Variants in PIP4P2 observed in about 807,000 individuals in gnomAD.
The protein encoded by PIP4P2 is phosphatidylinositol-4,5-bisphosphate 4-phosphatase 2, also known as type 2 phosphatidylinositol 4,5-bisphosphate 4-phosphatase.
Under a neutral mutation model 33.3 loss-of-function variants are expected in PIP4P2, and 19 were observed. The ratio of observed to expected loss-of-function variants is 0.57; its 90% CI spans 0.40 to 0.84. PIP4P2 has a LOEUF of 0.84. Ranked by LOEUF, PIP4P2 falls within the 40% of genes least tolerant of loss-of-function variation. PIP4P2 has a pLI of 0.00. For missense variants in PIP4P2, 270 were observed against 324.7 expected, an observed-to-expected ratio of 0.83 and a Z score of 1.29; for synonymous variants, 110 against 111.9, an observed-to-expected ratio of 0.98 and a Z score of 0.11.
chr8:91,018,355 A>C, intron 4 of PIP4P2, 35 bp downstream of exon 4: 1 of 1,613,578 alleles, frequency 6.2e-7, no homozygotes. Flanking sequence ...CATGACCTAT[A>C]TTTACAGATT....
intron 5 of PIP4P2, among the ~76,000 whole-genome samples, chr8:90,998,721 T>C (rs907588809): frequency 3.3e-5 from 5 of 151,952 alleles, no homozygotes; most frequent in South Asian, 2.1e-4. Context: ...ATGCAGAACA[T>C]TGAAACTGGA....
Position 90,996,585 on chromosome 8 carries a change from C to T in PIP4P2, c.630+69G>A, listed in dbSNP as rs563414358. 4 of 1,344,168 alleles carry T rather than the reference C, an allele frequency of 3.0e-6. No homozygotes were observed. The South Asian group carries it at 4.0e-5, about 13-fold the overall frequency. 83.3% of individuals were successfully genotyped at this position (1,344,168 alleles called of 1,614,324 possible). The stretch of plus-strand genomic sequence containing the variant: ...TCTTCAGGAATCCCTGAAGGTTGTC[C>T]CAGGCCTCATGATTGACTACTGATA... On this transcript the variant is annotated intron_variant, in intron 6 of 6. Coordinates refer to ENST00000285419, the MANE Select transcript of PIP4P2 (RefSeq NM_018710.3).
intron 1 of PIP4P2, among the ~76,000 whole-genome samples, chr8:91,030,799 G>T (rs1812152304): frequency 6.6e-6 from 1 of 152,020 alleles, no homozygotes; most frequent in Non-Finnish European, 1.5e-5. Flanking sequence ...TCATCTCATT[G>T]TTTTTTCATT....
chr8:91,007,996 G>T (rs774625562), intron 5 of PIP4P2, among the ~76,000 whole-genome samples: 3 of 152,114 alleles, frequency 2.0e-5, no homozygotes, highest in Non-Finnish European at 4.4e-5. Flanking sequence ...ACTGGGAGGG[G>T]CCCCTTGGAA....
At chr8:91,033,515 TC>T (rs754043630) in intron 1 of PIP4P2, among the ~76,000 whole-genome samples, 31 of 152,152 alleles carry the variant, frequency 2.0e-4, no homozygotes, top group Non-Finnish European at 4.0e-4. Flanking sequence ...TCTAACAGCA[TC>T]CTGATTAGTG....
intron 4 of PIP4P2, among the ~76,000 whole-genome samples, chr8:91,011,356 G>A (rs984103317): frequency 7.9e-5 from 12 of 152,038 alleles, no homozygotes; most frequent in Non-Finnish European, 1.3e-4. Flanking sequence ...AAACTCTGCT[G>A]TTCAGTTGTG....
At chr8:91,036,349 G>A (rs1447729661) in intron 1 of PIP4P2, among the ~76,000 whole-genome samples, 1 of 152,140 alleles carries the variant, frequency 6.6e-6, no homozygotes, top group Admixed American at 6.5e-5. Flanking sequence ...AATACATCAT[G>A]TCTAAAACTA....
At chr8:91,015,126 A>G (rs1245337836) in intron 4 of PIP4P2, among the ~76,000 whole-genome samples, 3 of 152,156 alleles carry the variant, frequency 2.0e-5, no homozygotes, top group Non-Finnish European at 4.4e-5. Flanking sequence ...ATTAATGTCT[A>G]TTGTTTGAAA....
chr8:91,028,960 T>G (rs1239062793), intron 1 of PIP4P2, among the ~76,000 whole-genome samples: 1 of 152,198 alleles, frequency 6.6e-6, no homozygotes, highest in African/African-American at 2.4e-5. Context: ...TTCTACTGTT[T>G]ATCTGTAGCC....
At chr8:91,019,548 C>T (rs1366169786) in intron 3 of PIP4P2, among the ~76,000 whole-genome samples, 1 of 149,406 alleles carries the variant, frequency 6.7e-6, no homozygotes, top group East Asian at 2.0e-4. Context: ...AGACTCTTCC[C>T]GTTGAGACTC....
In PIP4P2 at chr8:91,040,784, C is replaced by T. The variant is rs1452960583; in HGVS notation, c.-35G>A. 4 of 1,597,628 alleles carry T rather than the reference C, an allele frequency of 2.5e-6. No individual in the cohort carries two copies. The highest frequency in any genetic ancestry group is 3.4e-6 in the Non-Finnish European group (4 of 1,169,886). On this transcript the variant is annotated 5_prime_UTR_variant, in exon 1 of 7. Transcript: ENST00000285419. Reference sequence around the variant, plus strand: ...AGCGGCGGGGCCTGGGGAGGCCGAGCCGGGGTTGCGGCCTCGGCGGAGTGG... The same window carrying T: ...AGCGGCGGGGCCTGGGGAGGCCGAGTCGGGGTTGCGGCCTCGGCGGAGTGG...
At chr8:91,015,386 C>A (rs1222182251) in intron 4 of PIP4P2, among the ~76,000 whole-genome samples, 1 of 152,068 alleles carries the variant, frequency 6.6e-6, no homozygotes, top group Non-Finnish European at 1.5e-5. Flanking sequence ...TTTCACCTAT[C>A]CCCTGCCTGC....
intron 3 of PIP4P2, among the ~76,000 whole-genome samples, chr8:91,019,032 G>C (rs1333183918): frequency 6.6e-6 from 1 of 151,944 alleles, no homozygotes; most frequent in Non-Finnish European, 1.5e-5. Context: ...GGATAGGGCT[G>C]TACATGATTC....
At chr8:91,001,280 T>C (rs75053334) in intron 5 of PIP4P2, among the ~76,000 whole-genome samples, 1 of 152,042 alleles carries the variant, frequency 6.6e-6, no homozygotes, top group African/African-American at 2.4e-5. Context: ...TTTCTTTAAT[T>C]TTATGCAATT....
At chr8:91,022,287 G>GT (rs1220011218) in intron 1 of PIP4P2, among the ~76,000 whole-genome samples, 9 of 151,892 alleles carry the variant, frequency 5.9e-5, no homozygotes, top group South Asian at 2.1e-4. Context: ...CACACACAGT[G>GT]TTTTTTTTGA....
At chr8:91,021,696 T>G (rs947503281) in intron 1 of PIP4P2, among the ~76,000 whole-genome samples, 1 of 152,198 alleles carries the variant, frequency 6.6e-6, no homozygotes, top group African/African-American at 2.4e-5. Context: ...CCATTCCTAT[T>G]AGTAAATTCA....
At position 90,994,864 on chromosome 8, in the gene PIP4P2, T is replaced by C. The variant is rs1285134858; in HGVS notation, c.*813A>G. On this transcript the variant is annotated 3_prime_UTR_variant, in exon 7 of 7. Transcript: ENST00000285419. ...GTTAAGTATTATAAAACATGTTATGTGAAATACTTCCTCAAGCCTCTATAA... is the reference window on the plus strand; with the variant it reads ...GTTAAGTATTATAAAACATGTTATGCGAAATACTTCCTCAAGCCTCTATAA... 1 of 152,096 alleles carries C rather than the reference T, an allele frequency of 6.6e-6. No individual in the cohort carries two copies. Among genetic ancestry groups the C allele is most frequent in the Non-Finnish European group, 1.5e-5 (1 of 67,942 alleles). The allele number at this position is 152,096 out of a possible 1,614,324, so 9.4% of individuals were successfully genotyped here.
intron 1 of PIP4P2, among the ~76,000 whole-genome samples, chr8:91,022,291 T>C (rs1812021561): frequency 6.6e-6 from 1 of 152,170 alleles, no homozygotes; most frequent in Admixed American, 6.5e-5. Flanking sequence ...CACAGTGTTT[T>C]TTTTGAGAGT....
At position 91,040,788 on chromosome 8, in the gene PIP4P2, G is replaced by T; in HGVS notation, c.-39C>A. ...GCGGGGCCTGGGGAGGCCGAGCCGGGGTTGCGGCCTCGGCGGAGTGGTGGC... is the reference window on the plus strand; with the variant it reads ...GCGGGGCCTGGGGAGGCCGAGCCGGTGTTGCGGCCTCGGCGGAGTGGTGGC... On this transcript the variant is annotated 5_prime_UTR_variant, in exon 1 of 7. Transcript: ENST00000285419. 1 of 1,591,194 alleles carries T rather than the reference G, an allele frequency of 6.3e-7. No homozygotes were observed. The highest frequency in any genetic ancestry group is 8.6e-7 in the Non-Finnish European group (1 of 1,164,160).
Sources: allele counts gnomAD v4.1 joint callset (sites outside exome capture counted in the v4.1 genomes callset), GRCh38; gene constraint gnomAD v4.1.1; transcripts MANE v1.5; gene names NCBI Gene and HGNC (gene_info 2026-07-23, HGNC 2026-07-21).